The following MMEL1 variants were observed in gnomAD, a reference collection of about 807,000 sequenced individuals.
MMEL1 encodes the protein membrane metalloendopeptidase like 1, also known as membrane metallo-endopeptidase-like 1.
A neutral mutation model predicts 117.1 loss-of-function variants in MMEL1; 98 were observed. The ratio of observed to expected loss-of-function variants is 0.84; its 90% CI spans 0.71 to 0.99. The LOEUF is 0.99. MMEL1 is among the 50% of genes least tolerant of loss of function. The pLI, the probability that MMEL1 is intolerant of heterozygous loss-of-function variation, is 0.00. For missense variants in MMEL1, 1,014 were observed against 1,049.1 expected, an observed-to-expected ratio of 0.97 and a Z score of 0.46; for synonymous variants, 390 against 415.1, an observed-to-expected ratio of 0.94 and a Z score of 0.74.
chr1:2,599,481 A>C (rs554989827), intron 11 of MMEL1, among the ~76,000 whole-genome samples: 4 of 152,390 alleles, frequency 2.6e-5, no homozygotes, highest in African/African-American at 9.6e-5. Context: ...TAAAGGAGGA[A>C]AGTCACATGA....
At chr1:2,605,046 CTGG>C (rs1382005807) in intron 9 of MMEL1, among the ~76,000 whole-genome samples, 1 of 152,188 alleles carries the variant, frequency 6.6e-6, no homozygotes, top group African/African-American at 2.4e-5. Flanking sequence ...CACCTCTGCC[CTGG>C]TGCTGGATGC....
intron 17 of MMEL1, 32 bp downstream of exon 17, chr1:2,594,758 C>A: frequency 6.3e-7 from 1 of 1,579,716 alleles, no homozygotes; most frequent in Non-Finnish European, 8.7e-7. Context: ...CCTGGCCCCC[C>A]CCGCCCATGC....
chr1:2,625,083 C>A (rs1645348669), intron 2 of MMEL1, among the ~76,000 whole-genome samples: 1 of 152,200 alleles, frequency 6.6e-6, no homozygotes, highest in Non-Finnish European at 1.5e-5. Context: ...ATGAGGATTA[C>A]AATTTGACAT....
chr1:2,591,338 G>A (rs1007288533), intron 23 of MMEL1: 11 of 597,298 alleles, frequency 1.8e-5, no homozygotes, highest in Non-Finnish European at 2.7e-5. Context: ...AGAAACATTC[G>A]CAGCCTGCGG....
chr1:2,591,113 C>G, intron 23 of MMEL1, 24 bp from the exon 24 acceptor site: 1 of 1,507,734 alleles, frequency 6.6e-7, no homozygotes, highest in Non-Finnish European at 8.9e-7. Context: ...GGTGTGACAG[C>G]AGGAGCATTG....
rs1644983907 is a variant in MMEL1 at position 2,604,232 on chromosome 1, C to T, written c.866G>A (p.Arg289Gln). Reference protein sequence around the residue: ...QFMVSVATLLREDANLPRDSC... With the variant: ...QFMVSVATLLQEDANLPRDSC... ...GTCCCTGGGCAGGTTTGCATCCTCCCGCAGCAACGTGGCCACTGACACCAT... is the reference window on the plus strand; with the variant it reads ...GTCCCTGGGCAGGTTTGCATCCTCCTGCAGCAACGTGGCCACTGACACCAT... The change falls in exon 10 of 24, where the codon CGG (arginine) becomes CAG (glutamine). Residue 289 changes from arginine (R) to glutamine (Q), a missense_variant. By Grantham distance (43) the Arg-to-Gln change is conservative (BLOSUM62 1). Coordinates refer to ENST00000378412, the MANE Select transcript of MMEL1 (RefSeq NM_033467.4). 6.2e-7 allele frequency: 1 copy of T among 1,612,904 alleles called. No individual in the cohort carries two copies. The highest frequency in any genetic ancestry group is 1.1e-5 in the South Asian group (1 of 91,088).
At chr1:2,619,655 C>CAA (rs58007311) in intron 2 of MMEL1, among the ~76,000 whole-genome samples, 10 of 119,790 alleles carry the variant, frequency 8.3e-5, no homozygotes, top group Non-Finnish European at 1.8e-4. Context: ...GAGACTCTAT[C>CAA]AAAAAAAAAA....
At chr1:2,630,925 G>A (rs1435589089) in intron 1 of MMEL1, among the ~76,000 whole-genome samples, 1 of 151,414 alleles carries the variant, frequency 6.6e-6, no homozygotes, top group Non-Finnish European at 1.5e-5. Context: ...GCATGTGCAT[G>A]ATTGTGTGCG....
At chr1:2,625,326 C>G (rs968387833) in intron 2 of MMEL1, among the ~76,000 whole-genome samples, 4 of 152,192 alleles carry the variant, frequency 2.6e-5, no homozygotes, top group Admixed American at 6.5e-5. Flanking sequence ...CTCATCTGGG[C>G]GAGTTACTTC....
At chr1:2,594,743 C>T in intron 17 of MMEL1, 47 bp downstream of exon 17, 1 of 1,527,086 alleles carries the variant, frequency 6.5e-7, no homozygotes, top group South Asian at 1.1e-5. Flanking sequence ...CCTTACTGGC[C>T]ACTCCCTGGC....
At chr1:2,615,901 A>G (rs1557549843) in intron 2 of MMEL1, among the ~76,000 whole-genome samples, 1 of 152,242 alleles carries the variant, frequency 6.6e-6, no homozygotes, top group Non-Finnish European at 1.5e-5. Flanking sequence ...AGTTGGTAAA[A>G]GATATAAATC....
intron 22 of MMEL1, 120 bp from the exon 23 acceptor site, chr1:2,591,753 G>C: frequency 9.6e-7 from 1 of 1,045,744 alleles, no homozygotes; most frequent in Non-Finnish European, 1.5e-6. Context: ...GAGTCAGCAG[G>C]TGCTCCCCTC....
chr1:2,590,880 G>T lies in MMEL1; in HGVS notation c.*110C>A. 2.4e-6 allele frequency: 2 copies of T among 845,870 alleles called. No individual in the cohort carries two copies. The highest frequency in any genetic ancestry group is 3.3e-6 in the Non-Finnish European group (2 of 606,990). 52.4% of individuals were successfully genotyped at this position (845,870 alleles called of 1,614,324 possible). ...CGCAGAGGCCTGGCAGGCAGGCTTG[G>T]CATGGTTGGCCGGGGCGGGACGTAC... On this transcript the variant is annotated 3_prime_UTR_variant, in exon 24 of 24. Transcript: ENST00000378412.
rs773219897 is a variant in MMEL1, at chr1:2,609,390, G to A, written c.484C>T (p.Arg162Trp). Residue 162 changes from arginine (R) to tryptophan (W), a missense_variant, in exon 6 of 24, where the codon CGG (arginine) becomes TGG (tryptophan). Arg to Trp is a moderately radical substitution (Grantham distance 101). Transcript: ENST00000378412. ...AVLENSTAKD[R>W]PAVEKARTLY... Reference sequence around the variant, plus strand: ...GTCCTGGCCTTCTCCACAGCCGGCCGGTCCTTGGCAGTCGAATTCTCCAGC... The same window carrying A: ...GTCCTGGCCTTCTCCACAGCCGGCCAGTCCTTGGCAGTCGAATTCTCCAGC... 5.0e-6 allele frequency: 8 copies of A among 1,611,826 alleles called. No individual in the cohort carries two copies. The highest frequency in any genetic ancestry group is 1.3e-5 in the African/African-American group (1 of 74,890).
At position 2,605,635 on chromosome 1, in the gene MMEL1, G is replaced by GA; in HGVS notation, c.751-13dup. ...GTGGGCTGGTCTATCTGGAAATACA[G>GA]AAGGTGTGACCCTGGGCAAGGGGCC... On this transcript the variant is annotated splice_polypyrimidine_tract_variant and intron_variant, in intron 8 of 23. Transcript: ENST00000378412. 6.2e-7 allele frequency: 1 copy of GA among 1,611,164 alleles called. No individual in the cohort carries two copies. Among genetic ancestry groups the GA allele is most frequent in the South Asian group, 1.1e-5 (1 of 90,946 alleles).
Position 2,603,298 on chromosome 1 carries a change from G to C in MMEL1, c.1041+586C>G, listed in dbSNP as rs545630379. On this transcript the variant is annotated intron_variant, in intron 11 of 23. Transcript: ENST00000378412. ...CGAAGCTGCACGCCTGCGCCTCCTG[G>C]GGGAGGAGGCCCTCGAGAAGGCCAG... Among the ~76,000 whole-genome samples the C allele has an allele frequency of 2.0e-5, 3 of 152,346 alleles. No individual in the cohort carries two copies. In the East Asian group the frequency reaches 5.8e-4, roughly 29 times the overall value.
In MMEL1 at chr1:2,595,422, C is replaced by T. The variant is rs989908431; in HGVS notation, c.1501-63G>A. 27 of 1,456,808 alleles carry T rather than the reference C, an allele frequency of 1.9e-5. No individual in the cohort carries two copies. The highest frequency in any genetic ancestry group is 4.5e-5 in the East Asian group (2 of 44,116). 90.2% of individuals were successfully genotyped at this position (1,456,808 alleles called of 1,614,324 possible). Reference sequence around the variant, plus strand: ...CTGCGGATGGAGTCAGCCCGGGGGCCGGTCAGTGAGTGCCACACTGTGGGA... The same window carrying T: ...CTGCGGATGGAGTCAGCCCGGGGGCTGGTCAGTGAGTGCCACACTGTGGGA... On this transcript the variant is annotated intron_variant, in intron 15 of 23. Transcript: ENST00000378412. This position sits in a 1 kb window ranked among gnomAD's most constrained non-coding sequence, Gnocchi z 4.8.
rs574560149 is a variant in MMEL1 at position 2,598,748 on chromosome 1, C to A, written c.1084G>T (p.Val362Phe). The change falls in exon 12 of 24, where the codon GTC (valine) becomes TTC (phenylalanine). Residue 362 changes from valine (V) to phenylalanine (F), a missense_variant. Transcript: ENST00000378412. Reference protein sequence around the residue: ...TLFIQTVLSSVKIKLLPDEEV... With the variant: ...TLFIQTVLSSFKIKLLPDEEV... ...TCATCTGGCAGCAGCTTGATTTTGA[C>A]AGAGGATAGCACAGTTTGTATGAAC... The A allele has an allele frequency of 6.2e-7, 1 of 1,614,086 alleles. No individual in the cohort carries two copies. The highest frequency in any genetic ancestry group is 2.2e-5 in the East Asian group (1 of 44,886).
Position 2,604,177 on chromosome 1 carries a change from C to A in MMEL1, c.921G>T (p.Gln307His), listed in dbSNP as rs554643790. 6.2e-7 allele frequency: 1 copy of A among 1,612,364 alleles called. No homozygotes were observed. Among genetic ancestry groups the A allele is most frequent in the African/African-American group, 1.3e-5 (1 of 75,054 alleles). The change falls in exon 10 of 24, where the codon CAG (glutamine) becomes CAT (histidine). Residue 307 changes from glutamine to histidine, a missense_variant. Coordinates refer to ENST00000378412, the MANE Select transcript of MMEL1 (RefSeq NM_033467.4). ...CCAGCTGTGTCTCCAGCTCCAGCAC[C>A]TGCACCATGTCCTCCTGCACCAGGC... ...DSCLVQEDMV[Q>H]VLELETQLAK...
Sources: gnomAD v4.1 joint callset for allele counts (sites outside exome capture counted in the v4.1 genomes callset) on GRCh38, gnomAD v4.1.1 for gene constraint, Gnocchi (gnomAD v3.1) non-coding constraint, MANE v1.5 for transcripts, NCBI Gene and HGNC (gene_info 2026-07-23, HGNC 2026-07-21) for gene names.